FAM8A1: variants seen among roughly 807,000 people sequenced by gnomAD.
FAM8A1 encodes the protein protein FAM8A1.
In FAM8A1, 18 loss-of-function variants were observed where a neutral mutation model predicts 38.3. That is an observed-to-expected ratio of 0.47 (90% CI 0.33 to 0.70). The LOEUF is 0.70. Ranked by LOEUF, FAM8A1 falls within the 30% of genes least tolerant of loss-of-function variation. FAM8A1 has a pLI of 0.03. For synonymous variants in FAM8A1, 246 were observed against 234.4 expected (o/e 1.05, Z -0.45); for missense variants, 559 against 559.6 (o/e 1.00, Z 0.01).
At chr6:17,602,981 T>C (rs1235317579) in intron 2 of FAM8A1, among the ~76,000 whole-genome samples, 1 of 152,260 alleles carries the variant, frequency 6.6e-6, no homozygotes, top group Non-Finnish European at 1.5e-5. Flanking sequence ...TGCTTTGATT[T>C]TATTCACCTA....
rs1182794665 is a variant in FAM8A1 at position 17,611,594 on chromosome 6, T to G, written c.*3255T>G. 6.6e-6 allele frequency: 1 copy of G among 152,596 alleles called. No homozygotes were observed. The highest frequency in any genetic ancestry group is 1.9e-4 in the East Asian group (1 of 5,206). 9.5% of individuals were successfully genotyped at this position (152,596 alleles called of 1,614,324 possible). On this transcript the variant is annotated 3_prime_UTR_variant, in exon 5 of 5. Coordinates refer to ENST00000259963, the MANE Select transcript of FAM8A1 (RefSeq NM_016255.3). Reference sequence around the variant, plus strand: ...CATACTTCTTTGCAGTTCATTATAGTAAGGCTTAACCTGTAAACAGTATCT... The same window carrying G: ...CATACTTCTTTGCAGTTCATTATAGGAAGGCTTAACCTGTAAACAGTATCT...
At position 17,610,801 on chromosome 6, in the gene FAM8A1, A is replaced by G. The variant is rs180922909; in HGVS notation, c.*2462A>G. On this transcript the variant is annotated 3_prime_UTR_variant, in exon 5 of 5. Coordinates refer to ENST00000259963, the MANE Select transcript of FAM8A1 (RefSeq NM_016255.3). Reference sequence around the variant, plus strand: ...AATTTAGTATTCAAGCTGAGTGAGAATACTGTTTCAATGAGCATGTCCCTA... The same window carrying G: ...AATTTAGTATTCAAGCTGAGTGAGAGTACTGTTTCAATGAGCATGTCCCTA... 1.3e-5 allele frequency: 2 copies of G among 152,302 alleles called. No individual in the cohort carries two copies. The highest frequency in any genetic ancestry group is 3.9e-4 in the East Asian group (2 of 5,184). 9.4% of individuals were successfully genotyped at this position (152,302 alleles called of 1,614,324 possible). A position where few individuals can be genotyped will look rare whatever the true frequency, so the allele number is the denominator to read the frequency against.
intron 4 of FAM8A1, among the ~76,000 whole-genome samples, chr6:17,607,917 A>G (rs1288875340): frequency 6.6e-6 from 1 of 152,252 alleles, no homozygotes; most frequent in Non-Finnish European, 1.5e-5. Context: ...TCTGTAAACC[A>G]TTAATTCAAT....
chr6:17,610,539 T>TG lies in FAM8A1; in HGVS notation c.*2202dup. On this transcript the variant is annotated 3_prime_UTR_variant, in exon 5 of 5. Transcript: ENST00000259963. ...CACCGAGATTTTGATTCCCAAAGTT[T>TG]GGAAAAAAATGACAAAACAACGAGG... 1 of 152,094 alleles carries TG rather than the reference T, an allele frequency of 6.6e-6. No individual in the cohort carries two copies. Among genetic ancestry groups the TG allele is most frequent in the Non-Finnish European group, 1.5e-5 (1 of 67,974 alleles). 9.4% of individuals were successfully genotyped at this position (152,094 alleles called of 1,614,324 possible). A position where few individuals can be genotyped will look rare whatever the true frequency, so the allele number is the denominator to read the frequency against.
At chr6:17,601,285 A>G (rs1763982730) in intron 1 of FAM8A1, among the ~76,000 whole-genome samples, 164 bp downstream of exon 1, 1 of 152,144 alleles carries the variant, frequency 6.6e-6, no homozygotes, top group South Asian at 2.1e-4. Flanking sequence ...TAAATTCCCA[A>G]AATGTACAAG....
At chr6:17,607,771 A>T (rs1327358667) in intron 4 of FAM8A1, among the ~76,000 whole-genome samples, 1 of 152,244 alleles carries the variant, frequency 6.6e-6, no homozygotes, top group African/African-American at 2.4e-5. Context: ...CCCACAAAGG[A>T]AAATGCTGAT....
At chr6:17,606,295 G>A (rs1052232734) in intron 4 of FAM8A1, among the ~76,000 whole-genome samples, 26 of 150,552 alleles carry the variant, frequency 1.7e-4, no homozygotes, top group South Asian at 6.3e-4. Context: ...CCGCCTCCCA[G>A]GTTCACGCCA....
intron 3 of FAM8A1, 46 bp downstream of exon 3, chr6:17,605,075 T>G: frequency 6.5e-7 from 1 of 1,546,328 alleles, no homozygotes; most frequent in Non-Finnish European, 8.8e-7. Context: ...CAATCTAATT[T>G]TATGTTTTTA....
At chr6:17,602,771 T>C in intron 2 of FAM8A1, 61 bp downstream of exon 2, 1 of 1,543,720 alleles carries the variant, frequency 6.5e-7, no homozygotes, top group Non-Finnish European at 8.8e-7. Flanking sequence ...CTTGTTTTAT[T>C]ACATTCTGTT....
rs1455787776 is a variant in FAM8A1 at position 17,600,735 on chromosome 6, G to C, written c.326G>C (p.Ser109Thr). 3.2e-6 allele frequency: 5 copies of C among 1,573,612 alleles called. No individual in the cohort carries two copies. The African/African-American group carries it at 5.6e-5, about 18-fold the overall frequency. ...CCACGAGAGAGACCAGCTCGGCTGAGCGCCCGCGAGTACTCCCGGCAAGTG... is the reference window on the plus strand; with the variant it reads ...CCACGAGAGAGACCAGCTCGGCTGACCGCCCGCGAGTACTCCCGGCAAGTG... ...AAPRERPARL[S>T]AREYSRQVHE... The change falls in exon 1 of 5, where the codon AGC (serine) becomes ACC (threonine). Residue 109 changes from serine to threonine, a missense_variant. Physicochemically the swap from Ser to Thr is moderately conservative, Grantham distance 58 (BLOSUM62 1). This residue lies in a region of FAM8A1 where 393 missense variants were observed against 338.9 expected (regional missense o/e 1.16). Coordinates refer to ENST00000259963, the MANE Select transcript of FAM8A1 (RefSeq NM_016255.3).
rs1360429240 is a variant in FAM8A1 at position 17,610,967 on chromosome 6, G to A, written c.*2628G>A. 1 of 152,090 alleles carries A rather than the reference G, an allele frequency of 6.6e-6. No individual in the cohort carries two copies. The highest frequency in any genetic ancestry group is 2.4e-5 in the African/African-American group (1 of 41,412). The allele number at this position is 152,090 out of a possible 1,614,324, so 9.4% of individuals were successfully genotyped here. ...ACATTAACTTGGGAGCCAAGAGCTG[G>A]GTAAGCCTTACCTTTAGACTACTCT... is the stretch of plus-strand genomic sequence containing the variant. On this transcript the variant is annotated 3_prime_UTR_variant, in exon 5 of 5. Transcript: ENST00000259963.
intron 2 of FAM8A1, among the ~76,000 whole-genome samples, chr6:17,603,267 C>G (rs1389794353): frequency 1.3e-5 from 2 of 152,214 alleles, no homozygotes; most frequent in African/African-American, 4.8e-5. Flanking sequence ...TGAGCTTGCT[C>G]ACTTCTTTAT....
Position 17,600,509 on chromosome 6 carries a change from A to G in FAM8A1, c.100A>G (p.Thr34Ala). The G allele has an allele frequency of 6.5e-7, 1 of 1,531,690 alleles. No homozygotes were observed. The allele number at this position is 1,531,690 out of a possible 1,614,324, so 94.9% of individuals were successfully genotyped here. The change falls in exon 1 of 5, where the codon ACC (threonine) becomes GCC (alanine). Residue 34 changes from threonine (T) to alanine (A), a missense_variant. Thr to Ala is a moderately conservative substitution (Grantham distance 58). Around this residue, in one of 2 missense-constraint regions of FAM8A1, gnomAD observed 393 missense variants for 338.9 expected, o/e 1.16. Transcript: ENST00000259963. The stretch of plus-strand genomic sequence containing the variant: ...CCCTTCCCTGAGAGGCCCTCCTACC[A>G]CCGCCGTCCCATGCCCCCGCGACGA... ...PVPSLRGPPT[T>A]AVPCPRDDPQ...
In FAM8A1 at chr6:17,600,443, C is replaced by T; in HGVS notation, c.34C>T (p.Pro12Ser). Residue 12 changes from proline to serine, a missense_variant, in exon 1 of 5, where the codon CCT becomes TCT. Coordinates refer to ENST00000259963, the MANE Select transcript of FAM8A1 (RefSeq NM_016255.3). ...GGGGCCCGAGGAAGCCCGAGGCCAC[C>T]CTCCCGGGCAGGACGATGGCGGAGG... is the stretch of plus-strand genomic sequence containing the variant. Reference protein sequence around the residue: ...AEGPEEARGHPPGQDDGGGDH... With the variant: ...AEGPEEARGHSPGQDDGGGDH... 1 of 1,458,798 alleles carries T rather than the reference C, an allele frequency of 6.9e-7. No homozygotes were observed. Among genetic ancestry groups the T allele is most frequent in the Non-Finnish European group, 9.0e-7 (1 of 1,107,014 alleles). The allele number at this position is 1,458,798 out of a possible 1,614,324, so 90.4% of individuals were successfully genotyped here.
chr6:17,610,477 C>T lies in FAM8A1; in HGVS notation c.*2138C>T, dbSNP rs368490023. On this transcript the variant is annotated 3_prime_UTR_variant, in exon 5 of 5. Transcript: ENST00000259963. ...AGTATTATTTGCCTTCATAATAGAA[C>T]CCAAGAGTCTGTTTCAATTTATGAA... The T allele has an allele frequency of 6.6e-6, 1 of 151,964 alleles. No individual in the cohort carries two copies. Among genetic ancestry groups the T allele is most frequent in the African/African-American group, 2.4e-5 (1 of 41,366 alleles). 9.4% of individuals were successfully genotyped at this position (151,964 alleles called of 1,614,324 possible). A position where few individuals can be genotyped will look rare whatever the true frequency, so the allele number is the denominator to read the frequency against.
At position 17,600,558 on chromosome 6, in the gene FAM8A1, C is replaced by G; in HGVS notation, c.149C>G (p.Pro50Arg). The G allele has an allele frequency of 6.7e-7, 1 of 1,500,956 alleles. No individual in the cohort carries two copies. Among genetic ancestry groups the G allele is most frequent in the Admixed American group, 2.3e-5 (1 of 43,828 alleles). 93.0% of individuals were successfully genotyped at this position (1,500,956 alleles called of 1,614,324 possible). The change falls in exon 1 of 5, where the codon CCG (proline) becomes CGG (arginine). Residue 50 changes from proline (P) to arginine (R), a missense_variant. Pro to Arg is a moderately radical substitution (Grantham distance 103). Coordinates refer to ENST00000259963, the MANE Select transcript of FAM8A1 (RefSeq NM_016255.3). ...RDDPQAEPQA[P>R]GRPTAPGLAA... is the part of the protein sequence containing the mutation. ...GACCCCCAGGCCGAACCCCAGGCCC[C>G]GGGCCGGCCCACAGCCCCGGGCCTC...
In FAM8A1 at chr6:17,600,407, A is replaced by AC; in HGVS notation, c.-2dup. On this transcript the variant is annotated 5_prime_UTR_variant, in exon 1 of 5. Transcript: ENST00000259963. ...TATCCCAGAGGGTGCTGCTGAGGCGACGATGGCCGAGGGGCCCGAGGAAGC... is the reference window on the plus strand; with the variant it reads ...TATCCCAGAGGGTGCTGCTGAGGCGACCGATGGCCGAGGGGCCCGAGGAAGC... The AC allele has an allele frequency of 7.1e-7, 1 of 1,414,450 alleles. No individual in the cohort carries two copies. Among genetic ancestry groups the AC allele is most frequent in the Non-Finnish European group, 9.2e-7 (1 of 1,083,806 alleles). The allele number at this position is 1,414,450 out of a possible 1,614,324, so 87.6% of individuals were successfully genotyped here. A position where few individuals can be genotyped will look rare whatever the true frequency, so the allele number is the denominator to read the frequency against.
intron 3 of FAM8A1, 108 bp from the exon 4 acceptor site, chr6:17,605,766 T>A (rs1764044149): frequency 3.5e-6 from 4 of 1,153,636 alleles, no homozygotes; most frequent in Non-Finnish European, 4.8e-6. Context: ...TCTATGCAAT[T>A]CTTTCAACTT....
chr6:17,601,158 G>A, intron 1 of FAM8A1, 37 bp downstream of exon 1: 2 of 1,552,054 alleles, frequency 1.3e-6, no homozygotes, highest in Admixed American at 2.0e-5. Context: ...CGGAGTAGAA[G>A]GGTTTTCGGG....
Sources: allele counts gnomAD v4.1 joint callset (sites outside exome capture counted in the v4.1 genomes callset), GRCh38; gene constraint gnomAD v4.1.1; regional missense constraint gnomAD v4.1.1; transcripts MANE v1.5; gene names NCBI Gene and HGNC (gene_info 2026-07-23, HGNC 2026-07-21).